Variants in FAM227B observed in about 807,000 individuals in gnomAD.
The protein encoded by FAM227B is family with sequence similarity 227 member B.
FAM227B carries 88 observed loss-of-function variants against 73.8 expected under a neutral mutation model. The observed-to-expected ratio is 1.19, with a 90% CI of 1.00 to 1.42. The LOEUF (loss-of-function observed/expected upper bound fraction) is 1.42. FAM227B is among the 40% of genes most tolerant of loss of function. The probability of loss-of-function intolerance (pLI) is 0.00; values close to 1 mark genes in which losing one functional copy is unlikely to be tolerated. For synonymous variants in FAM227B, 210 were observed against 190.5 expected, an observed-to-expected ratio of 1.10 and a Z score of -0.84; for missense variants, 632 against 590.9, an observed-to-expected ratio of 1.07 and a Z score of -0.72.
rs550769864 is a variant in FAM227B, at chr15:49,595,608, TG to T, written c.106-5602del. On this transcript the variant is annotated intron_variant, in intron 3 of 15. Transcript: ENST00000299338. Reference sequence around the variant, plus strand: ...ACATAGCTTTTATTACCTTAAGGTATGTCCCTTCTATGTTGATTTTGCTGAG... The same window carrying T: ...ACATAGCTTTTATTACCTTAAGGTATTCCCTTCTATGTTGATTTTGCTGAG... 4.2e-3 allele frequency among the ~76,000 whole-genome samples: 637 copies of T among 152,010 alleles called. 8 individuals are homozygous for T. Among genetic ancestry groups the T allele is most frequent in the African/African-American group, 0.015 (612 of 41,492 alleles).
At chr15:49,355,580 T>C (rs1017543364) in intron 13 of FAM227B, among the ~76,000 whole-genome samples, 1 of 152,120 alleles carries the variant, frequency 6.6e-6, no homozygotes, top group African/African-American at 2.4e-5. Context: ...CCAAGAAATA[T>C]GGGGCTATGT....
chr15:49,590,123 T>C (rs1459991642), intron 3 of FAM227B, 116 bp from the exon 4 acceptor site: 2 of 617,292 alleles, frequency 3.2e-6, no homozygotes, highest in Non-Finnish European at 5.7e-6. Context: ...TTGTTTTTTA[T>C]CACTTTTTAA....
At chr15:49,577,399 A>G in intron 6 of FAM227B, 4 of 439,372 alleles carry the variant, frequency 9.1e-6, no homozygotes, top group Non-Finnish European at 1.7e-5. Flanking sequence ...AAACAAAATC[A>G]TATTTCAGAA....
intron 7 of FAM227B, chr15:49,576,167 A>G (rs968209626): frequency 9.2e-5 from 14 of 152,404 alleles, no homozygotes; most frequent in African/African-American, 3.1e-4. Flanking sequence ...GAAAAAGAAC[A>G]TATGTAATGT....
intron 13 of FAM227B, among the ~76,000 whole-genome samples, chr15:49,359,863 G>C (rs1262710929): frequency 7.0e-6 from 1 of 143,658 alleles, no homozygotes; most frequent in Non-Finnish European, 1.5e-5. Context: ...TGATAGACTG[G>C]ATTAAGAAAA....
At chr15:49,472,330 C>T (rs1329093595) in intron 11 of FAM227B, among the ~76,000 whole-genome samples, 3 of 152,176 alleles carry the variant, frequency 2.0e-5, no homozygotes, top group Admixed American at 6.5e-5. Flanking sequence ...TCTTTGTTCT[C>T]ATAACCCAAG....
At chr15:49,450,979 C>T (rs2052670896) in intron 11 of FAM227B, among the ~76,000 whole-genome samples, 1 of 152,032 alleles carries the variant, frequency 6.6e-6, no homozygotes, top group African/African-American at 2.4e-5. Context: ...AATATATTTC[C>T]CTGGTCAGTG....
In FAM227B at chr15:49,606,132, T is replaced by C. The variant is rs563350061; in HGVS notation, c.105+5083A>G. The C allele has an allele frequency of 2.0e-5, 3 of 152,320 alleles. No homozygotes were observed. The East Asian group carries it at 5.8e-4, about 29-fold the overall frequency. 9.4% of individuals were successfully genotyped at this position (152,320 alleles called of 1,614,324 possible). On this transcript the variant is annotated intron_variant, in intron 3 of 15. Transcript: ENST00000299338. ...CTGTGCCACGCCTAGGACTCCCATA[T>C]AGTGAAGACTAGTAATATCTCACCT...
chr15:49,327,998 G>A lies in FAM227B; in HGVS notation c.*570C>T, dbSNP rs1596160450. Reference sequence around the variant, plus strand: ...ACGACTTACTGGAGCAGGATGGGGAGGCTGCACAGTATCAATGGTACCTGC... The same window carrying A: ...ACGACTTACTGGAGCAGGATGGGGAAGCTGCACAGTATCAATGGTACCTGC... On this transcript the variant is annotated 3_prime_UTR_variant, in exon 16 of 16. Coordinates refer to ENST00000299338, the MANE Select transcript of FAM227B (RefSeq NM_152647.3). The A allele has an allele frequency of 1.2e-6, 2 of 1,613,870 alleles. No individual in the cohort carries two copies. The highest frequency in any genetic ancestry group is 1.7e-6 in the Non-Finnish European group (2 of 1,179,826).
At chr15:49,452,263 G>A (rs754169352) in intron 11 of FAM227B, among the ~76,000 whole-genome samples, 4 of 152,084 alleles carry the variant, frequency 2.6e-5, no homozygotes, top group African/African-American at 4.8e-5. Flanking sequence ...GTGTTGGCCA[G>A]GATGGTCTCG....
chr15:49,385,466 G>A (rs754115782), intron 11 of FAM227B, among the ~76,000 whole-genome samples: 1 of 151,618 alleles, frequency 6.6e-6, no homozygotes, highest in Non-Finnish European at 1.5e-5. Context: ...ATATTGTAAA[G>A]GTTGTATAAA....
chr15:49,545,958 T>TA (rs2071792983), intron 9 of FAM227B, among the ~76,000 whole-genome samples: 8 of 148,954 alleles, frequency 5.4e-5, no homozygotes, highest in Admixed American at 4.7e-4. Flanking sequence ...TTTTTTTTTT[T>TA]AATTTTATTA....
chr15:49,339,687 A>C (rs1023672804), intron 13 of FAM227B, among the ~76,000 whole-genome samples: 3 of 152,172 alleles, frequency 2.0e-5, no homozygotes, highest in Non-Finnish European at 4.4e-5. Flanking sequence ...TAGAGCTGCC[A>C]AGTATGGACG....
At chr15:49,487,883 C>G (rs529860745) in intron 11 of FAM227B, 4 of 152,074 alleles carry the variant, frequency 2.6e-5, no homozygotes, top group Admixed American at 2.6e-4. Flanking sequence ...GCTTATCATG[C>G]AGTTTGGTTT....
At chr15:49,571,220 ATTGT>A (rs1367896736) in intron 8 of FAM227B, among the ~76,000 whole-genome samples, 1 of 151,734 alleles carries the variant, frequency 6.6e-6, no homozygotes, top group African/African-American at 2.4e-5. Flanking sequence ...CTGCTATTAA[ATTGT>A]TTAAATTGCT....
At chr15:49,369,643 CTTT>C (rs2045669722) in intron 12 of FAM227B, among the ~76,000 whole-genome samples, 1 of 152,188 alleles carries the variant, frequency 6.6e-6, no homozygotes, top group African/African-American at 2.4e-5. Flanking sequence ...CCCAGTGTCA[CTTT>C]CAGGGACTAG....
intron 9 of FAM227B, among the ~76,000 whole-genome samples, chr15:49,563,004 C>A (rs758568200): frequency 6.6e-6 from 1 of 152,006 alleles, no homozygotes; most frequent in Non-Finnish European, 1.5e-5. Flanking sequence ...CCAGAGCAAT[C>A]AGGCAAGAAA....
intron 11 of FAM227B, among the ~76,000 whole-genome samples, chr15:49,390,091 T>C (rs776943908): frequency 2.0e-5 from 3 of 152,076 alleles, no homozygotes; most frequent in Non-Finnish European, 2.9e-5. Flanking sequence ...AAGATAAGTA[T>C]GAACACGGGG....
chr15:49,370,255 AATTTCTATCTGTTAGCAGC>A (rs2045720890), intron 12 of FAM227B, among the ~76,000 whole-genome samples: 1 of 152,258 alleles, frequency 6.6e-6, no homozygotes, highest in Non-Finnish European at 1.5e-5. Context: ...ATGTATTTCC[AATTTCTATCTGTTAGCAGC>A]ATCCTCTGAA....
Sources: gnomAD v4.1 joint callset for allele counts (sites outside exome capture counted in the v4.1 genomes callset) on GRCh38, gnomAD v4.1.1 for gene constraint, MANE v1.5 for transcripts, NCBI Gene and HGNC (gene_info 2026-07-23, HGNC 2026-07-21) for gene names.